GASK1B: variants seen among roughly 807,000 people sequenced by gnomAD.
GASK1B encodes Golgi-associated kinase 1B.
Under a neutral mutation model 42.8 loss-of-function variants are expected in GASK1B, and 34 were observed. The ratio of observed to expected loss-of-function variants is 0.79; its 90% CI spans 0.60 to 1.06. The LOEUF (loss-of-function observed/expected upper bound fraction) is 1.06. GASK1B is among the 50% of genes least tolerant of loss of function. The pLI is 0.00. For missense variants in GASK1B, 686 were observed against 661.0 expected, an observed-to-expected ratio of 1.04 and a Z score of -0.42; for synonymous variants, 262 against 259.1, an observed-to-expected ratio of 1.01 and a Z score of -0.11.
intron 2 of GASK1B, among the ~76,000 whole-genome samples, chr4:158,164,430 T>G (rs919307485): frequency 6.6e-6 from 1 of 152,132 alleles, no homozygotes; most frequent in African/African-American, 2.4e-5. Flanking sequence ...CGTTTGCCTA[T>G]GAAGTTATGT....
chr4:158,165,307 T>C (rs1207632344), intron 2 of GASK1B, among the ~76,000 whole-genome samples: 3 of 152,232 alleles, frequency 2.0e-5, no homozygotes, highest in Non-Finnish European at 4.4e-5. Flanking sequence ...CTGCTTTGTC[T>C]AATGCTAGAT....
rs774141816 is a variant in GASK1B at position 158,131,108 on chromosome 4, A to T, written c.1126-96T>A. 81 of 1,011,996 alleles carry T rather than the reference A, an allele frequency of 8.0e-5. No homozygotes were observed. In the Middle Eastern group the frequency reaches 8.2e-4, roughly 10 times the overall value. 62.7% of individuals were successfully genotyped at this position (1,011,996 alleles called of 1,614,324 possible). A position where few individuals can be genotyped will look rare whatever the true frequency, so the allele number is the denominator to read the frequency against. On this transcript the variant is annotated intron_variant, in intron 3 of 4. Coordinates refer to ENST00000585682, the MANE Select transcript of GASK1B (RefSeq NM_001128424.2). ...AAGATCAGTGCTTTCTGAATAGCTG[A>T]CTTGCCAGAATCTAAGAGGGCCAGG...
chr4:158,145,645 A>T (rs1731301888), intron 3 of GASK1B, among the ~76,000 whole-genome samples: 1 of 152,112 alleles, frequency 6.6e-6, no homozygotes, highest in Non-Finnish European at 1.5e-5. Context: ...TCTTTCTATA[A>T]AATATTACTT....
intron 3 of GASK1B, among the ~76,000 whole-genome samples, chr4:158,151,600 C>G (rs1560786090): frequency 6.6e-6 from 1 of 152,196 alleles, no homozygotes; most frequent in Non-Finnish European, 1.5e-5. Flanking sequence ...GAATTGACCT[C>G]TAAGCCTGGG....
intron 3 of GASK1B, among the ~76,000 whole-genome samples, chr4:158,149,922 G>GGTTTTTTTTTTTT (rs1560785203): frequency 6.4e-5 from 1 of 15,524 alleles, no homozygotes; most frequent in African/African-American, 1.3e-4. Flanking sequence ...TCTGCATGCT[G>GGTTTTTTTTTTTT]CTTTTTTTTT....
Position 158,170,806 on chromosome 4 carries a change from G to A in GASK1B, c.570C>T (p.Ala190=), listed in dbSNP as rs575833676. The change falls in exon 2 of 5, where the codon GCC becomes GCT. Residue 190 remains alanine, a synonymous_variant. Transcript: ENST00000585682. ...WRLVRGPGVR[A]GGPDFLQPSS... ...TGGGCTGCAGGAAGTCTGGGCCCCC[G>A]GCTCGCACTCCCGGACCCCGCACCA... The A allele has an allele frequency of 5.6e-6, 9 of 1,614,148 alleles. No individual in the cohort carries two copies. Among genetic ancestry groups the A allele is most frequent in the South Asian group, 4.4e-5 (4 of 91,082 alleles).
intron 3 of GASK1B, among the ~76,000 whole-genome samples, chr4:158,152,252 C>T (rs1731586220): frequency 6.6e-6 from 1 of 152,132 alleles, no homozygotes; most frequent in Admixed American, 6.5e-5. Context: ...GGGACTTCAC[C>T]TTGTGATTGT....
intron 2 of GASK1B, among the ~76,000 whole-genome samples, chr4:158,160,994 A>G (rs1467647896): frequency 6.6e-6 from 1 of 152,042 alleles, no homozygotes; most frequent in Non-Finnish European, 1.5e-5. Flanking sequence ...AACAGGTACA[A>G]AGTTTCGGTT....
At chr4:158,145,703 A>G (rs913171063) in intron 3 of GASK1B, among the ~76,000 whole-genome samples, 1 of 152,158 alleles carries the variant, frequency 6.6e-6, no homozygotes, top group African/African-American at 2.4e-5. Flanking sequence ...TGTCCCTTGT[A>G]CTAGATTGTA....
At chr4:158,170,014 AGATTCCATCTGCTCAAGAAC>A (rs1239197034) in intron 2 of GASK1B, 5 of 559,298 alleles carry the variant, frequency 8.9e-6, no homozygotes, top group Non-Finnish European at 1.3e-5. Flanking sequence ...CGGCTTAAGA[AGATTCCATCTGCTCAAGAAC>A]GATAACCCGC....
chr4:158,137,718 C>T (rs1201048528), intron 3 of GASK1B, among the ~76,000 whole-genome samples: 1 of 150,846 alleles, frequency 6.6e-6, no homozygotes, highest in East Asian at 1.9e-4. Flanking sequence ...CCACAGTATT[C>T]CCCCCTGCTC....
intron 2 of GASK1B, among the ~76,000 whole-genome samples, chr4:158,166,713 G>A (rs925787082): frequency 6.6e-6 from 1 of 151,850 alleles, no homozygotes; most frequent in Admixed American, 6.6e-5. Flanking sequence ...AGGTTTTTTT[G>A]TCTCCTTGAG....
At position 158,127,369 on chromosome 4, in the gene GASK1B, A is replaced by G. The variant is rs1477525207; in HGVS notation, c.*38T>C. ...GATTTAAAAACAAAACCAAAAATGC[A>G]TAAATATATCTAACACCCTAGCCAG... On this transcript the variant is annotated 3_prime_UTR_variant, in exon 5 of 5. Coordinates refer to ENST00000585682, the MANE Select transcript of GASK1B (RefSeq NM_001128424.2). 4 of 1,570,014 alleles carry G rather than the reference A, an allele frequency of 2.5e-6. No homozygotes were observed. The East Asian group carries it at 6.7e-5, about 26-fold the overall frequency.
In GASK1B at chr4:158,145,410, A is replaced by T. The variant is rs1011605158; in HGVS notation, c.1125+10201T>A. ...ATTCTTGTTGTCTATTGAATTTATG[A>T]ATATAAGTTTATTGCAGCCATCTGA... On this transcript the variant is annotated intron_variant, in intron 3 of 4. Coordinates refer to ENST00000585682, the MANE Select transcript of GASK1B (RefSeq NM_001128424.2). Among the ~76,000 whole-genome samples the T allele has an allele frequency of 5.9e-5, 9 of 152,178 alleles. 1 individual carries two copies. Among genetic ancestry groups the T allele is most frequent in the African/African-American group, 1.2e-4 (5 of 41,438 alleles).
In GASK1B at chr4:158,171,103, G is replaced by T. The variant is rs747125355; in HGVS notation, c.273C>A (p.Ala91=). The T allele has an allele frequency of 1.2e-6, 2 of 1,609,486 alleles. No homozygotes were observed. The highest frequency in any genetic ancestry group is 2.2e-5 in the South Asian group (2 of 90,874). The change falls in exon 2 of 5, where the codon GCC becomes GCA. Residue 91 remains alanine, a synonymous_variant. Transcript: ENST00000585682. The stretch of plus-strand genomic sequence containing the variant: ...ACCCATTGCCCTGGGACTCTGGAGG[G>T]GCCAGGGTACCATCCAGGGGTATCT... The part of the protein sequence containing the change: ...FPEIPLDGTL[A]PPESQGNGST...
intron 3 of GASK1B, among the ~76,000 whole-genome samples, chr4:158,132,013 A>G (rs1053873115): frequency 1.3e-5 from 2 of 152,174 alleles, no homozygotes; most frequent in Admixed American, 1.3e-4. Context: ...ATCCAAAGTT[A>G]TTTATCTCAA....
chr4:158,140,303 C>T (rs1230196185), intron 3 of GASK1B, among the ~76,000 whole-genome samples: 1 of 152,164 alleles, frequency 6.6e-6, no homozygotes, highest in Non-Finnish European at 1.5e-5. Flanking sequence ...CCATATATCT[C>T]TTAGTGATAT....
Position 158,157,019 on chromosome 4 carries a change from G to T in GASK1B, c.911-1194C>A, listed in dbSNP as rs1731783806. Among the ~76,000 whole-genome samples the T allele has an allele frequency of 3.3e-5, 5 of 151,778 alleles. No individual in the cohort carries two copies. In the South Asian group the frequency reaches 1.0e-3, roughly 31 times the overall value. On this transcript the variant is annotated intron_variant, in intron 2 of 4. Transcript: ENST00000585682. Reference sequence around the variant, plus strand: ...TTTTATTTTGCCACCTTACTGTCTTGCCATCTTGTAGAATTCTTATCTCCG... The same window carrying T: ...TTTTATTTTGCCACCTTACTGTCTTTCCATCTTGTAGAATTCTTATCTCCG...
chr4:158,129,762 T>A (rs1262231582), intron 4 of GASK1B, among the ~76,000 whole-genome samples: 1 of 152,128 alleles, frequency 6.6e-6, no homozygotes, highest in African/African-American at 2.4e-5. Flanking sequence ...CACAGCTGGT[T>A]ACCTATTTTA....
Sources: allele counts gnomAD v4.1 joint callset (sites outside exome capture counted in the v4.1 genomes callset), GRCh38; gene constraint gnomAD v4.1.1; transcripts MANE v1.5; gene names NCBI Gene and HGNC (gene_info 2026-07-23, HGNC 2026-07-21).